FLT1: variants seen among roughly 807,000 people sequenced by gnomAD.
FLT1 encodes fms related receptor tyrosine kinase 1, also known as vascular endothelial growth factor receptor 1.
In FLT1, 49 loss-of-function variants were observed where a neutral mutation model predicts 156.3. That is an observed-to-expected ratio of 0.31 (90% CI 0.25 to 0.40). FLT1 has a LOEUF of 0.40. Ranked by LOEUF, FLT1 falls within the 10% of genes least tolerant of loss-of-function variation. The probability of loss-of-function intolerance (pLI) is 1.00; values close to 1 mark genes in which losing one functional copy is unlikely to be tolerated. For synonymous variants in FLT1, 594 were observed against 583.8 expected, an observed-to-expected ratio of 1.02 and a Z score of -0.25; for missense variants, 1,322 against 1,637.2, an observed-to-expected ratio of 0.81 and a Z score of 3.32.
At chr13:28,317,644 G>T in intron 24 of FLT1, 47 bp from the exon 25 acceptor site, 1 of 1,231,082 alleles carries the variant, frequency 8.1e-7, no homozygotes, top group Non-Finnish European at 1.2e-6. Flanking sequence ...TGGCTTAAGG[G>T]TACAAAAGAC....
intron 15 of FLT1, among the ~76,000 whole-genome samples, chr13:28,349,202 T>C (rs1253714574): frequency 6.6e-6 from 1 of 152,182 alleles, no homozygotes; most frequent in Admixed American, 6.5e-5. Context: ...CTGAAAATAG[T>C]GGTCAAATGA....
Position 28,323,874 on chromosome 13 carries a change from A to G in FLT1, c.2797-928T>C, listed in dbSNP as rs183212976. 1.9e-3 allele frequency among the ~76,000 whole-genome samples: 286 copies of G among 152,262 alleles called. 2 individuals are homozygous for G. Among genetic ancestry groups the G allele is most frequent in the African/African-American group, 6.4e-3 (266 of 41,558 alleles). On this transcript the variant is annotated intron_variant, in intron 20 of 29. Coordinates refer to ENST00000282397, the MANE Select transcript of FLT1 (RefSeq NM_002019.4). ...AGGTTTCTTTGGGGAAGGAGGGAACATGGACATTGCTTTTTTTCTCTTCCA... is the reference window on the plus strand; with the variant it reads ...AGGTTTCTTTGGGGAAGGAGGGAACGTGGACATTGCTTTTTTTCTCTTCCA...
In FLT1 at chr13:28,300,594, C is replaced by T. The variant is rs1254294155; in HGVS notation, c.*2573G>A. On this transcript the variant is annotated 3_prime_UTR_variant, in exon 30 of 30. Coordinates refer to ENST00000282397, the MANE Select transcript of FLT1 (RefSeq NM_002019.4). ...CACTGTCGGCCAAAGATGCACTCCT[C>T]CTTTAATCAATTTAAATGAGGCTAG... 4.3e-6 allele frequency: 1 copy of T among 232,210 alleles called. No homozygotes were observed. The highest frequency in any genetic ancestry group is 2.2e-5 in the African/African-American group (1 of 44,812). The allele number at this position is 232,210 out of a possible 1,614,324, so 14.4% of individuals were successfully genotyped here.
At chr13:28,388,401 A>G (rs1874498178) in intron 13 of FLT1, 2 of 1,055,776 alleles carry the variant, frequency 1.9e-6, no homozygotes, top group African/African-American at 1.6e-5. Context: ...GTCACCTCCT[A>G]TTGAACTGCC....
intron 14 of FLT1, among the ~76,000 whole-genome samples, chr13:28,361,204 G>A (rs1221132339): frequency 1.3e-5 from 2 of 152,048 alleles, no homozygotes; most frequent in African/African-American, 4.8e-5. Context: ...GCTTGAAGCC[G>A]GGAGGCAGAG....
chr13:28,472,726 G>A (rs925528605), intron 1 of FLT1, among the ~76,000 whole-genome samples: 3 of 152,092 alleles, frequency 2.0e-5, no homozygotes, highest in South Asian at 4.1e-4. Context: ...TGCCATTTGT[G>A]AGTTCTGTTG....
At chr13:28,335,451 A>T (rs927379095) in intron 17 of FLT1, among the ~76,000 whole-genome samples, 4 of 151,844 alleles carry the variant, frequency 2.6e-5, no homozygotes, top group East Asian at 1.9e-4. Context: ...TTTTTAAAAA[A>T]TTTTCTTGTA....
rs566354291 is a variant in FLT1 at position 28,467,182 on chromosome 13, A to G, written c.162-53T>C. On this transcript the variant is annotated intron_variant, in intron 2 of 29. Transcript: ENST00000282397. Reference sequence around the variant, plus strand: ...ATATTTATGGCTGGGCCCTAGGCTCAGCACCAGTTCCTCAGCATTCATTTT... The same window carrying G: ...ATATTTATGGCTGGGCCCTAGGCTCGGCACCAGTTCCTCAGCATTCATTTT... 3.8e-6 allele frequency: 5 copies of G among 1,318,798 alleles called. No individual in the cohort carries two copies. In the South Asian group the frequency reaches 5.9e-5, roughly 15 times the overall value. 81.7% of individuals were successfully genotyped at this position (1,318,798 alleles called of 1,614,324 possible). A position where few individuals can be genotyped will look rare whatever the true frequency, so the allele number is the denominator to read the frequency against.
intron 16 of FLT1, among the ~76,000 whole-genome samples, chr13:28,340,051 C>T (rs1324165908): frequency 6.6e-6 from 1 of 152,022 alleles, no homozygotes; most frequent in African/African-American, 2.4e-5. Flanking sequence ...CCTGACTCTA[C>T]TAAAAATACA....
At chr13:28,445,694 C>T (rs1878579190) in intron 3 of FLT1, among the ~76,000 whole-genome samples, 1 of 152,068 alleles carries the variant, frequency 6.6e-6, no homozygotes, top group Non-Finnish European at 1.5e-5. Context: ...ACAAGCTGCT[C>T]ACGAGGGAAA....
Position 28,302,934 on chromosome 13 carries a change from G to A in FLT1, c.*233C>T. 1 of 559,010 alleles carries A rather than the reference G, an allele frequency of 1.8e-6. No homozygotes were observed. The allele number at this position is 559,010 out of a possible 1,614,324, so 34.6% of individuals were successfully genotyped here. On this transcript the variant is annotated 3_prime_UTR_variant, in exon 30 of 30. Transcript: ENST00000282397. ...GTTTAGGAAGGATTTCTCTAACACT[G>A]AGTAACATGAGGATTTAGCAGTAGT...
chr13:28,385,862 A>C, intron 13 of FLT1: 1 of 1,052,184 alleles, frequency 9.5e-7, no homozygotes, highest in South Asian at 4.6e-5. Flanking sequence ...AGTACAGTAT[A>C]TCTCTAATGA....
intron 3 of FLT1, among the ~76,000 whole-genome samples, chr13:28,452,858 T>C (rs1291596639): frequency 6.6e-6 from 1 of 151,846 alleles, no homozygotes; most frequent in Non-Finnish European, 1.5e-5. Flanking sequence ...ATTTTAAAGA[T>C]GATGACAATG....
chr13:28,355,730 G>A (rs746307522), intron 15 of FLT1, among the ~76,000 whole-genome samples: 3 of 152,180 alleles, frequency 2.0e-5, no homozygotes, highest in South Asian at 2.1e-4. Context: ...ATGGCCAAAC[G>A]ACTGACTCTA....
intron 3 of FLT1, among the ~76,000 whole-genome samples, chr13:28,466,529 G>T (rs1244719827): frequency 1.3e-5 from 2 of 152,156 alleles, no homozygotes. Context: ...ACATATAAGA[G>T]AATGCAGCTG....
At chr13:28,366,871 G>A (rs1873315797) in intron 14 of FLT1, among the ~76,000 whole-genome samples, 1 of 152,144 alleles carries the variant, frequency 6.6e-6, no homozygotes. Context: ...TAAAATTGCT[G>A]ACTTTCTTAT....
intron 23 of FLT1, among the ~76,000 whole-genome samples, chr13:28,319,901 CTGG>C (rs1871370504): frequency 6.6e-6 from 1 of 152,176 alleles, no homozygotes; most frequent in South Asian, 2.1e-4. Flanking sequence ...ATCCTGAAAA[CTGG>C]TGGTGGTTTC....
At chr13:28,355,853 A>G (rs972697803) in intron 15 of FLT1, among the ~76,000 whole-genome samples, 8 of 152,216 alleles carry the variant, frequency 5.3e-5, no homozygotes, top group African/African-American at 1.9e-4. Flanking sequence ...GTCGTTCTGA[A>G]GGTGGGGAGA....
At position 28,322,024 on chromosome 13, in the gene FLT1, G is replaced by A. The variant is rs1871481820; in HGVS notation, c.3051+238C>T. Reference sequence around the variant, plus strand: ...CCAGAGGATACTGTGGAGAGCCGATGCCAGGTTTGTCTAGTCTGAAACCTG... The same window carrying A: ...CCAGAGGATACTGTGGAGAGCCGATACCAGGTTTGTCTAGTCTGAAACCTG... On this transcript the variant is annotated intron_variant, in intron 22 of 29. Coordinates refer to ENST00000282397, the MANE Select transcript of FLT1 (RefSeq NM_002019.4). This position sits in a 1 kb window ranked among gnomAD's most constrained non-coding sequence, Gnocchi z 4.3. Among the ~76,000 whole-genome samples, 1 of 152,204 alleles carries A rather than the reference G, an allele frequency of 6.6e-6. No individual in the cohort carries two copies. Among genetic ancestry groups the A allele is most frequent in the Admixed American group, 6.5e-5 (1 of 15,284 alleles).
Sources: allele counts gnomAD v4.1 joint callset (sites outside exome capture counted in the v4.1 genomes callset), GRCh38; gene constraint gnomAD v4.1.1; non-coding constraint Gnocchi (gnomAD v3.1); transcripts MANE v1.5; gene names NCBI Gene and HGNC (gene_info 2026-07-23, HGNC 2026-07-21).